Variants in FAM200A observed in about 807,000 individuals in gnomAD.
The protein encoded by FAM200A is protein FAM200A.
In FAM200A, 26 loss-of-function variants were observed where a neutral mutation model predicts 44.2. That is an observed-to-expected ratio of 0.59 (90% confidence interval 0.43 to 0.82). FAM200A has a LOEUF of 0.82. FAM200A is among the 40% of genes least tolerant of loss of function. The probability of loss-of-function intolerance (pLI) is 0.00; values close to 1 mark genes in which losing one functional copy is unlikely to be tolerated. For missense variants in FAM200A, 606 were observed against 669.5 expected (o/e 0.91, Z 1.05); for synonymous variants, 206 against 244.4 (o/e 0.84, Z 1.47).
Position 99,546,392 on chromosome 7 carries a change from G to A in FAM200A, c.*294C>T. ...AAATACAATTTTTTTTTTTTGAGAT[G>A]AAGTCTCACGCTGTTGCCCAGGCTG... On this transcript the variant is annotated 3_prime_UTR_variant, in exon 2 of 2. Coordinates refer to ENST00000449309, the MANE Select transcript of FAM200A (RefSeq NM_145111.4). The A allele has an allele frequency of 3.8e-6, 1 of 265,918 alleles. No homozygotes were observed. 16.5% of individuals were successfully genotyped at this position (265,918 alleles called of 1,614,324 possible). A position where few individuals can be genotyped will look rare whatever the true frequency, so the allele number is the denominator to read the frequency against.
intron 1 of FAM200A, chr7:99,558,295 C>G (rs1802767599): frequency 6.6e-6 from 1 of 152,350 alleles, no homozygotes; most frequent in South Asian, 2.1e-4. Context: ...CCCCACGACA[C>G]GCACCCACTG....
Position 99,546,566 on chromosome 7 carries a change from A to C in FAM200A, c.*120T>G. The C allele has an allele frequency of 9.2e-7, 1 of 1,089,146 alleles. No individual in the cohort carries two copies. The highest frequency in any genetic ancestry group is 1.2e-6 in the Non-Finnish European group (1 of 818,894). 67.5% of individuals were successfully genotyped at this position (1,089,146 alleles called of 1,614,324 possible). On this transcript the variant is annotated 3_prime_UTR_variant, in exon 2 of 2. Coordinates refer to ENST00000449309, the MANE Select transcript of FAM200A (RefSeq NM_145111.4). Reference sequence around the variant, plus strand: ...CTATTTTTAGTAGAGATGGGGTTTCACCATGTTGGCCAGGCTGGTCTTGAA... The same window carrying C: ...CTATTTTTAGTAGAGATGGGGTTTCCCCATGTTGGCCAGGCTGGTCTTGAA...
At chr7:99,550,223 G>A (rs1034980803) in intron 1 of FAM200A, among the ~76,000 whole-genome samples, 1 of 151,708 alleles carries the variant, frequency 6.6e-6, no homozygotes, top group Non-Finnish European at 1.5e-5. Context: ...TGATTCTTCC[G>A]CCTCAGCCTC....
In FAM200A at chr7:99,552,114, C is replaced by T; in HGVS notation, c.-360G>A. 1.5e-5 allele frequency: 15 copies of T among 985,508 alleles called. No homozygotes were observed. Among genetic ancestry groups the T allele is most frequent in the Non-Finnish European group, 1.7e-5 (14 of 829,966 alleles). 61.0% of individuals were successfully genotyped at this position (985,508 alleles called of 1,614,324 possible). ...CCTTCAGAGCCCAGGGAAAGCGTCA[C>T]AAAAGCCGGAAGTGCGTCACACCCG... On this transcript the variant is annotated 5_prime_UTR_variant, in exon 1 of 2. In the 5' UTR this introduces an upstream ATG that the reference lacks. Transcript: ENST00000449309.
chr7:99,557,561 A>C (rs1478596720), intron 1 of FAM200A, among the ~76,000 whole-genome samples: 1 of 152,174 alleles, frequency 6.6e-6, no homozygotes, highest in African/African-American at 2.4e-5. Context: ...TCCAGCATGA[A>C]ATGGACTAAG....
intron 1 of FAM200A, among the ~76,000 whole-genome samples, chr7:99,551,138 A>G (rs1162916138): frequency 6.6e-6 from 1 of 152,170 alleles, no homozygotes; most frequent in East Asian, 1.9e-4. Flanking sequence ...TGAAGTGTAA[A>G]TGAGCTTTTC....
exon 1 of FAM200A, chr7:99,558,511 GCTC>G (rs1488710492): frequency 2.0e-5 from 3 of 152,440 alleles, no homozygotes; most frequent in African/African-American, 4.8e-5. Context: ...CGCGGGCCCA[GCTC>G]CTCCTCCGAG....
rs749157767 is a variant in FAM200A at position 99,548,011 on chromosome 7, G to A, written c.397C>T (p.Arg133Trp). The change falls in exon 2 of 2, where the codon CGG (arginine) becomes TGG (tryptophan). Residue 133 changes from arginine to tryptophan, a missense_variant. Physicochemically the swap from Arg to Trp is moderately radical, Grantham distance 101. Coordinates refer to ENST00000449309, the MANE Select transcript of FAM200A (RefSeq NM_145111.4). ...AKHLEAMLITRLQSGIDFAIQ... is the reference protein window; with the variant it reads ...AKHLEAMLITWLQSGIDFAIQ... ...GCAAAGTCTATACCGGACTGCAGCC[G>A]TGTAATAAGCATTGCTTCCAAATGT... is the stretch of plus-strand genomic sequence containing the variant. The A allele has an allele frequency of 6.1e-5, 94 of 1,551,302 alleles. No individual in the cohort carries two copies. In the East Asian group the frequency reaches 1.6e-3, roughly 26 times the overall value.
In FAM200A at chr7:99,547,604, AAC is replaced by A. The variant is rs1802419907; in HGVS notation, c.802_803del (p.Val268Ter). The A allele has an allele frequency of 1.6e-5, 25 of 1,551,422 alleles. No individual in the cohort carries two copies. The highest frequency in any genetic ancestry group is 2.4e-5 in the East Asian group (1 of 40,908). Reference sequence around the variant, plus strand: ...TCAGTGAGCTTCCTTTAATAAAATTAACAGTTTTCACTGCATTTTTCAATACA... The same window carrying A: ...TCAGTGAGCTTCCTTTAATAAAATTAAGTTTTCACTGCATTTTTCAATACA... ...MDVLKNAVKTVNFIKGSSLNS... is the reference protein window; with the variant it reads ...MDVLKNAVKTXNFIKGSSLNS... On this transcript the variant is annotated frameshift_variant, in exon 2 of 2. Transcript: ENST00000449309. LOFTEE classifies it high-confidence loss of function.
At position 99,552,044 on chromosome 7, in the gene FAM200A, G is replaced by A; in HGVS notation, c.-290C>T. The A allele has an allele frequency of 1.0e-5, 10 of 985,630 alleles. No individual in the cohort carries two copies. Among genetic ancestry groups the A allele is most frequent in the African/African-American group, 1.7e-5 (1 of 57,392 alleles). 61.1% of individuals were successfully genotyped at this position (985,630 alleles called of 1,614,324 possible). A position where few individuals can be genotyped will look rare whatever the true frequency, so the allele number is the denominator to read the frequency against. ...GGGATGCTGGGATAGAAGGGGTTGTGACTTTGGGGACCAGGAGCACTAGAC... is the reference window on the plus strand; with the variant it reads ...GGGATGCTGGGATAGAAGGGGTTGTAACTTTGGGGACCAGGAGCACTAGAC... On this transcript the variant is annotated 5_prime_UTR_variant, in exon 1 of 2. Coordinates refer to ENST00000449309, the MANE Select transcript of FAM200A (RefSeq NM_145111.4).
intron 1 of FAM200A, among the ~76,000 whole-genome samples, chr7:99,551,386 A>G (rs1802526232): frequency 6.6e-6 from 1 of 152,032 alleles, no homozygotes; most frequent in African/African-American, 2.4e-5. Flanking sequence ...TAGTAGAGAC[A>G]GGGTTTCTCT....
In FAM200A at chr7:99,548,012, T is replaced by A; in HGVS notation, c.396A>T (p.Thr132=). ...CAAAGTCTATACCGGACTGCAGCCG[T>A]GTAATAAGCATTGCTTCCAAATGTT... ...IAKHLEAMLI[T]RLQSGIDFAI... is the part of the protein sequence containing the mutation. The change falls in exon 2 of 2, where the codon ACA becomes ACT. Residue 132 remains threonine (T), a synonymous_variant. Transcript: ENST00000449309. 1 of 1,551,552 alleles carries A rather than the reference T, an allele frequency of 6.4e-7. No homozygotes were observed. Among genetic ancestry groups the A allele is most frequent in the Non-Finnish European group, 8.7e-7 (1 of 1,146,968 alleles).
In FAM200A at chr7:99,546,649, A is replaced by C; in HGVS notation, c.*37T>G. ...GCTGGGATTACAGGCGTAAGCCACC[A>C]CACCTGGCTATACACAGAATTTTGT... On this transcript the variant is annotated 3_prime_UTR_variant, in exon 2 of 2. Coordinates refer to ENST00000449309, the MANE Select transcript of FAM200A (RefSeq NM_145111.4). 2.0e-6 allele frequency: 3 copies of C among 1,464,444 alleles called. No individual in the cohort carries two copies. Among genetic ancestry groups the C allele is most frequent in the Non-Finnish European group, 2.7e-6 (3 of 1,109,864 alleles). The allele number at this position is 1,464,444 out of a possible 1,614,324, so 90.7% of individuals were successfully genotyped here. A position where few individuals can be genotyped will look rare whatever the true frequency, so the allele number is the denominator to read the frequency against.
rs1029145618 is a variant in FAM200A at position 99,547,755 on chromosome 7, G to A, written c.653C>T (p.Thr218Ile). 3.7e-5 allele frequency: 58 copies of A among 1,551,542 alleles called. 1 individual carries two copies. The East Asian group carries it at 1.4e-3, about 37-fold the overall frequency. The change falls in exon 2 of 2, where the codon ACC becomes ATC. Residue 218 changes from threonine to isoleucine, a missense_variant. Thr to Ile is a moderately conservative substitution (Grantham distance 89, BLOSUM62 -1). Coordinates refer to ENST00000449309, the MANE Select transcript of FAM200A (RefSeq NM_145111.4). ...GISSDGTANMTGKHSRLTEKL... is the reference protein window; with the variant it reads ...GISSDGTANMIGKHSRLTEKL... ...TTCAGTAAGTCTGCTGTGTTTTCCG[G>A]TCATATTTGCTGTTCCATCACTTGA...
intron 1 of FAM200A, among the ~76,000 whole-genome samples, chr7:99,558,085 A>G (rs988265875): frequency 2.6e-5 from 4 of 152,016 alleles, no homozygotes; most frequent in African/African-American, 4.8e-5. Flanking sequence ...TCTCGGTTCT[A>G]TTCCAATCTG....
At chr7:99,554,348 G>A (rs2151133018), upstream of FAM200A, among the ~76,000 whole-genome samples, 1 of 152,038 alleles carries the variant, frequency 6.6e-6, no homozygotes, top group South Asian at 2.1e-4. Flanking sequence ...GTACGGTGGT[G>A]TGTGCCTGTA....
chr7:99,553,097 ATATTTTTTT>A (rs1247670821), upstream of FAM200A, among the ~76,000 whole-genome samples: 179 of 78,118 alleles, frequency 2.3e-3, no homozygotes, highest in African/African-American at 0.014. Context: ...ATATATATAT[ATATTTTTTT>A]TTTTTTTTTT....
upstream of FAM200A, among the ~76,000 whole-genome samples, chr7:99,553,913 G>A (rs1802624413): frequency 6.6e-6 from 1 of 152,162 alleles, no homozygotes; most frequent in South Asian, 2.1e-4. Context: ...CTTGGCTATC[G>A]GTGGGTTCCT....
chr7:99,550,766 C>T (rs1425853370), intron 1 of FAM200A, among the ~76,000 whole-genome samples: 1 of 152,094 alleles, frequency 6.6e-6, no homozygotes, highest in Non-Finnish European at 1.5e-5. Context: ...CCCCCATGTC[C>T]GAAATTGCTC....
Sources: gnomAD v4.1 joint callset for allele counts (sites outside exome capture counted in the v4.1 genomes callset) on GRCh38, gnomAD v4.1.1 for gene constraint, MANE v1.5 for transcripts, NCBI Gene and HGNC (gene_info 2026-07-23, HGNC 2026-07-21) for gene names.